The following DCC variants were observed in gnomAD, a reference collection of about 807,000 sequenced individuals.
DCC encodes netrin receptor DCC.
A neutral mutation model predicts 172.5 loss-of-function variants in DCC; 58 were observed. That is an observed-to-expected ratio of 0.34 (90% confidence interval 0.27 to 0.42). The LOEUF is 0.42. DCC is among the 10% of genes least tolerant of loss of function. DCC has a pLI of 1.00. For synonymous variants in DCC, 709 were observed against 644.5 expected, an observed-to-expected ratio of 1.10 and a Z score of -1.52; for missense variants, 1,740 against 1,791.0, an observed-to-expected ratio of 0.97 and a Z score of 0.51.
chr18:53,391,268 C>T (rs1908527590), intron 16 of DCC, among the ~76,000 whole-genome samples: 1 of 152,030 alleles, frequency 6.6e-6, no homozygotes, highest in South Asian at 2.1e-4. Flanking sequence ...TAAACTGGAA[C>T]CCCCATTTTT....
At chr18:53,103,996 T>C (rs2043209847) in intron 7 of DCC, among the ~76,000 whole-genome samples, 1 of 152,030 alleles carries the variant, frequency 6.6e-6, no homozygotes, top group Admixed American at 6.6e-5. Context: ...CAAGATAATA[T>C]TTTAACACAA....
At chr18:53,085,998 C>CTTATTATTATTATTATTA (rs2042876885) in intron 7 of DCC, among the ~76,000 whole-genome samples, 2 of 40,854 alleles carry the variant, frequency 4.9e-5, no homozygotes, top group East Asian at 5.0e-4. Flanking sequence ...TCTCCTTCTC[C>CTTATTATTATTATTATTA]TTCTTCTCCT....
intron 2 of DCC, among the ~76,000 whole-genome samples, chr18:52,902,353 G>A (rs2039822115): frequency 1.3e-5 from 2 of 152,116 alleles, no homozygotes; most frequent in Non-Finnish European, 1.5e-5. Flanking sequence ...GAATGCATTC[G>A]AGTGAGGAAA....
At chr18:52,824,284 T>C (rs911350504) in intron 2 of DCC, among the ~76,000 whole-genome samples, 7 of 152,180 alleles carry the variant, frequency 4.6e-5, no homozygotes, top group Non-Finnish European at 8.8e-5. Context: ...CCTTGTGTCT[T>C]GTGAATGATG....
chr18:53,108,665 A>T (rs2043285106), intron 7 of DCC, among the ~76,000 whole-genome samples: 1 of 151,800 alleles, frequency 6.6e-6, no homozygotes, highest in Admixed American at 6.6e-5. Flanking sequence ...TTGTTGAATT[A>T]TATATGAATG....
intron 21 of DCC, among the ~76,000 whole-genome samples, chr18:53,417,743 A>T (rs1469962693): frequency 6.6e-6 from 1 of 152,164 alleles, no homozygotes; most frequent in Non-Finnish European, 1.5e-5. Flanking sequence ...GACAACAAAC[A>T]TGTCCAGGCT....
intron 12 of DCC, among the ~76,000 whole-genome samples, chr18:53,302,981 T>A (rs2057158521): frequency 6.6e-6 from 1 of 152,188 alleles, no homozygotes; most frequent in Admixed American, 6.5e-5. Context: ...TATTCCACAA[T>A]CTTTTTCAGA....
In DCC at chr18:52,569,626, G is replaced by T. The variant is rs2033246505; in HGVS notation, c.92-182428G>T. On this transcript the variant is annotated intron_variant, in intron 1 of 28. Coordinates refer to ENST00000442544, the MANE Select transcript of DCC (RefSeq NM_005215.4). The stretch of plus-strand genomic sequence containing the variant: ...ACAGGCAATATGGAACTTCCTCTAG[G>T]GCTTCAAGTACTGTAAGGTTTCCGA... Among the ~76,000 whole-genome samples the T allele has an allele frequency of 2.0e-5, 3 of 151,952 alleles. No homozygotes were observed. The South Asian group carries it at 6.2e-4, about 31-fold the overall frequency.
At chr18:53,128,560 C>T (rs9954051) in intron 7 of DCC, among the ~76,000 whole-genome samples, 29 of 151,994 alleles carry the variant, frequency 1.9e-4, no homozygotes, top group African/African-American at 7.0e-4. Flanking sequence ...TTTCAAAGCA[C>T]CATAATGTTA....
intron 1 of DCC, among the ~76,000 whole-genome samples, chr18:52,570,250 C>T (rs1262730827): frequency 6.6e-6 from 1 of 152,244 alleles, no homozygotes; most frequent in Non-Finnish European, 1.5e-5. Flanking sequence ...CTGTGGCTTG[C>T]TTGATGGCTT....
At chr18:52,866,606 C>T (rs2039232679) in intron 2 of DCC, among the ~76,000 whole-genome samples, 1 of 152,130 alleles carries the variant, frequency 6.6e-6, no homozygotes, top group African/African-American at 2.4e-5. Context: ...CTTCACATCC[C>T]TTGTAAGTTG....
intron 27 of DCC, among the ~76,000 whole-genome samples, chr18:53,521,454 G>A (rs564465093): frequency 2.3e-4 from 35 of 152,200 alleles, no homozygotes; most frequent in Admixed American, 1.0e-3. Context: ...TATTTCCATC[G>A]TGATAACCGT....
chr18:52,885,978 A>T (rs1010801657), intron 2 of DCC, among the ~76,000 whole-genome samples: 1 of 151,804 alleles, frequency 6.6e-6, no homozygotes, highest in East Asian at 2.0e-4. Context: ...ATGTGGCCTT[A>T]CAACTCTGCC....
chr18:53,088,214 A>G (rs1261951996), intron 7 of DCC, among the ~76,000 whole-genome samples: 13 of 152,130 alleles, frequency 8.5e-5, no homozygotes, highest in Admixed American at 6.5e-5. Flanking sequence ...TTTTCACGAT[A>G]TTGATTCCTC....
At chr18:52,381,870 A>G (rs1374907711) in intron 1 of DCC, among the ~76,000 whole-genome samples, 1 of 152,202 alleles carries the variant, frequency 6.6e-6, no homozygotes, top group East Asian at 1.9e-4. Flanking sequence ...AAAACATGAC[A>G]GAATTATATC....
chr18:53,447,612 T>C (rs1201924746), intron 22 of DCC, among the ~76,000 whole-genome samples: 1 of 152,336 alleles, frequency 6.6e-6, no homozygotes, highest in African/African-American at 2.4e-5. Flanking sequence ...TGTACTGTTA[T>C]GTATGATTCA....
chr18:53,414,631 G>A (rs565962415), intron 20 of DCC, among the ~76,000 whole-genome samples: 13 of 151,960 alleles, frequency 8.6e-5, no homozygotes, highest in African/African-American at 2.9e-4. Context: ...GGTGGATCAC[G>A]AGGTCAGGAG....
At chr18:53,194,028 AC>A (rs2055404849) in intron 9 of DCC, among the ~76,000 whole-genome samples, 1 of 152,132 alleles carries the variant, frequency 6.6e-6, no homozygotes, top group African/African-American at 2.4e-5. Context: ...TCCCATATTG[AC>A]CATAATACAA....
intron 1 of DCC, among the ~76,000 whole-genome samples, chr18:52,751,770 G>A (rs777058170): frequency 2.6e-5 from 4 of 152,046 alleles, no homozygotes; most frequent in African/African-American, 7.2e-5. Flanking sequence ...AAATTTTCAT[G>A]TACTGACTGA....
Sources: gnomAD v4.1 joint callset for allele counts (sites outside exome capture counted in the v4.1 genomes callset) on GRCh38, gnomAD v4.1.1 for gene constraint, MANE v1.5 for transcripts, NCBI Gene and HGNC (gene_info 2026-07-23, HGNC 2026-07-21) for gene names.